Variants in CDH1 observed in about 807,000 individuals in gnomAD.
CDH1 encodes the protein cadherin-1.
Under a neutral mutation model 84.5 loss-of-function variants are expected in CDH1, and 35 were observed. The ratio of observed to expected loss-of-function variants is 0.41; its 90% CI spans 0.32 to 0.55. The LOEUF (loss-of-function observed/expected upper bound fraction) is 0.55. CDH1 is among the 20% of genes least tolerant of loss of function. The pLI, the probability that CDH1 is intolerant of heterozygous loss-of-function variation, is 0.19. For synonymous variants in CDH1, 417 were observed against 439.0 expected (o/e 0.95, Z 0.63); for missense variants, 994 against 1,126.6 (o/e 0.88, Z 1.68).
chr16:68,830,157 T>A (rs1462405143), intron 15 of CDH1, among the ~76,000 whole-genome samples: 1 of 151,572 alleles, frequency 6.6e-6, no homozygotes, highest in African/African-American at 2.4e-5. Context: ...TTTCTCCATG[T>A]TGGTCAGGCT....
intron 13 of CDH1, among the ~76,000 whole-genome samples, chr16:68,824,597 A>G (rs1355796609): frequency 1.3e-5 from 2 of 152,222 alleles, no homozygotes; most frequent in Non-Finnish European, 2.9e-5. Context: ...GACATGGAGT[A>G]GGGGTGGAGT....
At chr16:68,825,764 A>T (rs1183632457) in intron 13 of CDH1, among the ~76,000 whole-genome samples, 4 of 137,948 alleles carry the variant, frequency 2.9e-5, no homozygotes, top group East Asian at 2.4e-4. Flanking sequence ...TGCTTTTGGT[A>T]TAGTGGTTAC....
rs35160345 is a variant in CDH1 at position 68,812,349 on chromosome 16, T to G, written c.1137+86T>G. ...GTGTCACCACTGCTCATGGGCGAAG[T>G]CTTTGAAAACTCTCTCCAGACTAGA... On this transcript the variant is annotated intron_variant, in intron 8 of 15. Transcript: ENST00000261769. The G allele has an allele frequency of 1.2e-3, 1,678 of 1,428,968 alleles. 17 individuals carry two copies. The African/African-American group carries it at 0.017, about 14-fold the overall frequency. 88.5% of individuals were successfully genotyped at this position (1,428,968 alleles called of 1,614,324 possible).
rs1555515203 is a variant in CDH1 at position 68,808,480 on chromosome 16, C to T, written c.444C>T (p.Gly148=). ...TCACATTTCCCAACTCCTCTCCTGG[C>T]CTCAGAAGACAGAAGAGAGACTGGG... ...ELLTFPNSSP[G]LRRQKRDWVI... is the part of the protein sequence containing the mutation. The change falls in exon 4 of 16, where the codon GGC becomes GGT. Residue 148 remains glycine, a synonymous_variant. Coordinates refer to ENST00000261769, the MANE Select transcript of CDH1 (RefSeq NM_004360.5). 3.1e-6 allele frequency: 5 copies of T among 1,614,064 alleles called. No homozygotes were observed. The highest frequency in any genetic ancestry group is 4.2e-6 in the Non-Finnish European group (5 of 1,179,914).
intron 13 of CDH1, 79 bp from the exon 14 acceptor site, chr16:68,828,095 G>A (rs1961368125): frequency 6.5e-7 from 1 of 1,536,676 alleles, no homozygotes; most frequent in African/African-American, 1.4e-5. Context: ...GGTATGAGGG[G>A]TGCTCTGTGA....
intron 2 of CDH1, among the ~76,000 whole-genome samples, chr16:68,791,848 C>T (rs1012382583): frequency 6.6e-6 from 1 of 152,112 alleles, no homozygotes; most frequent in Non-Finnish European, 1.5e-5. Context: ...AGTAAGGGCT[C>T]GCTAAAGATT....
At chr16:68,831,698 C>A (rs998057768) in intron 15 of CDH1, among the ~76,000 whole-genome samples, 1 of 151,780 alleles carries the variant, frequency 6.6e-6, no homozygotes, top group Non-Finnish European at 1.5e-5. Context: ...ACTACCACGC[C>A]CAGCTACTTT....
intron 2 of CDH1, among the ~76,000 whole-genome samples, chr16:68,794,678 G>A (rs1002210865): frequency 5.4e-5 from 8 of 148,482 alleles, no homozygotes; most frequent in South Asian, 2.2e-4. Flanking sequence ...CCAACATGCC[G>A]GGCTAACTTT....
At chr16:68,752,410 G>C in intron 2 of CDH1, among the ~76,000 whole-genome samples, 1 of 152,212 alleles carries the variant, frequency 6.6e-6, no homozygotes, top group East Asian at 1.9e-4. Context: ...AGCCTCAGGA[G>C]GCCAGGGATT....
At chr16:68,745,303 G>A (rs778333032) in intron 2 of CDH1, among the ~76,000 whole-genome samples, 16 of 151,250 alleles carry the variant, frequency 1.1e-4, no homozygotes, top group East Asian at 1.9e-4. Context: ...GCAACGTGGC[G>A]AGACCCCCAT....
intron 2 of CDH1, among the ~76,000 whole-genome samples, chr16:68,760,639 C>A (rs971095025): frequency 2.6e-5 from 4 of 152,282 alleles, no homozygotes; most frequent in Non-Finnish European, 5.9e-5. Flanking sequence ...AGGTTTAGTT[C>A]TCTTCCGCAC....
chr16:68,778,896 C>G (rs372563670), intron 2 of CDH1, among the ~76,000 whole-genome samples: 1 of 152,100 alleles, frequency 6.6e-6, no homozygotes, highest in African/African-American at 2.4e-5. Flanking sequence ...TTTTTCTCTT[C>G]CTGGCTCCCT....
At chr16:68,796,027 G>T (rs1243457782) in intron 2 of CDH1, among the ~76,000 whole-genome samples, 1 of 151,940 alleles carries the variant, frequency 6.6e-6, no homozygotes, top group Admixed American at 6.6e-5. Context: ...GCCGGGCGTG[G>T]TGGCAGGCAC....
At chr16:68,777,648 A>G (rs1371279642) in intron 2 of CDH1, among the ~76,000 whole-genome samples, 1 of 145,470 alleles carries the variant, frequency 6.9e-6, no homozygotes, top group Non-Finnish European at 1.5e-5. Context: ...GGCTCAAGCC[A>G]TCCTCCCATC....
intron 9 of CDH1, among the ~76,000 whole-genome samples, chr16:68,815,032 C>T (rs1960945741): frequency 6.6e-6 from 1 of 151,844 alleles, no homozygotes; most frequent in Admixed American, 6.6e-5. Context: ...TCGAGACCAG[C>T]CTGGCCAACA....
At chr16:68,769,610 G>C (rs1035855274) in intron 2 of CDH1, among the ~76,000 whole-genome samples, 7 of 151,786 alleles carry the variant, frequency 4.6e-5, no homozygotes, top group Non-Finnish European at 8.8e-5. Flanking sequence ...TGCCCAACCT[G>C]CACATGTAAT....
intron 2 of CDH1, among the ~76,000 whole-genome samples, chr16:68,791,591 T>G (rs1960210118): frequency 6.6e-6 from 1 of 151,948 alleles, no homozygotes; most frequent in Non-Finnish European, 1.5e-5. Context: ...CCCAGCTAAT[T>G]TTTAATTTTT....
At chr16:68,827,906 G>A (rs1442297346) in intron 13 of CDH1, among the ~76,000 whole-genome samples, 1 of 152,126 alleles carries the variant, frequency 6.6e-6, no homozygotes, top group Non-Finnish European at 1.5e-5. Context: ...CCAGATTTGG[G>A]AAAATGACAG....
chr16:68,743,587 ACTCCTGAG>A (rs2152115850), intron 2 of CDH1, among the ~76,000 whole-genome samples: 1 of 150,266 alleles, frequency 6.7e-6, no homozygotes, highest in African/African-American at 2.4e-5. Context: ...CTGGTCTTGA[ACTCCTGAG>A]CTCAAAGTGG....
Sources: gnomAD v4.1 joint callset for allele counts (sites outside exome capture counted in the v4.1 genomes callset) on GRCh38, gnomAD v4.1.1 for gene constraint, MANE v1.5 for transcripts, NCBI Gene and HGNC (gene_info 2026-07-23, HGNC 2026-07-21) for gene names.